Variants in NCOA7 observed in about 807,000 individuals in gnomAD.
NCOA7 encodes 140 kDa estrogen receptor-associated protein.
A neutral mutation model predicts 104.3 loss-of-function variants in NCOA7; 45 were observed. The observed-to-expected ratio is 0.43, with a 90% CI of 0.34 to 0.55. The LOEUF is 0.55. NCOA7 is among the 20% of genes least tolerant of loss of function. NCOA7 has a pLI of 0.02. For missense variants in NCOA7, 1,041 were observed against 1,119.7 expected (o/e 0.93, Z 1.00); for synonymous variants, 398 against 402.3 (o/e 0.99, Z 0.13).
intron 2 of NCOA7, among the ~76,000 whole-genome samples, chr6:125,816,434 G>A (rs1562818557): frequency 6.6e-6 from 1 of 152,158 alleles, no homozygotes; most frequent in Non-Finnish European, 1.5e-5. Flanking sequence ...ATAAGAGTCA[G>A]TATTAAACAT....
intron 10 of NCOA7, among the ~76,000 whole-genome samples, chr6:125,912,543 G>A (rs969525390): frequency 6.6e-6 from 1 of 152,162 alleles, no homozygotes; most frequent in Non-Finnish European, 1.5e-5. Flanking sequence ...CTGAGCTCTG[G>A]GGGCCCACGG....
intron 1 of NCOA7, among the ~76,000 whole-genome samples, chr6:125,793,279 C>A (rs752327778): frequency 4.6e-5 from 7 of 152,182 alleles, no homozygotes; most frequent in Non-Finnish European, 8.8e-5. Context: ...CCTGGCTCTT[C>A]CTTGCACACT....
intron 2 of NCOA7, among the ~76,000 whole-genome samples, chr6:125,841,918 C>G (rs1780209761): frequency 6.6e-6 from 1 of 152,122 alleles, no homozygotes; most frequent in Non-Finnish European, 1.5e-5. Context: ...CTGAAAGTAC[C>G]TGTAATGACA....
chr6:125,875,348 G>A (rs1378684740), intron 4 of NCOA7: 1 of 167,730 alleles, frequency 6.0e-6, no homozygotes, highest in Non-Finnish European at 1.3e-5. Flanking sequence ...TTGGGTCACG[G>A]GTATTCTAGT....
At chr6:125,880,244 G>A (rs1400504336) in intron 5 of NCOA7, among the ~76,000 whole-genome samples, 1 of 152,008 alleles carries the variant, frequency 6.6e-6, no homozygotes, top group Non-Finnish European at 1.5e-5. Flanking sequence ...ATCATATAAG[G>A]ACCTACTGCT....
chr6:125,794,098 C>G (rs1268089), intron 1 of NCOA7, among the ~76,000 whole-genome samples: 9,150 of 152,198 alleles, frequency 0.06, 824 homozygotes, highest in African/African-American at 0.2. Flanking sequence ...TAACACCCCC[C>G]CATATGCCCA....
chr6:125,864,704 C>T lies in NCOA7; in HGVS notation c.271+9464C>T, dbSNP rs142770058. 2.2e-5 allele frequency among the ~76,000 whole-genome samples: 3 copies of T among 136,964 alleles called. 1 individual carries two copies. Among genetic ancestry groups the T allele is most frequent in the Admixed American group, 6.9e-5 (1 of 14,458 alleles). 89.9% of individuals were successfully genotyped at this position (136,964 alleles called of 152,430 possible). On this transcript the variant is annotated intron_variant, in intron 3 of 15. Transcript: ENST00000392477. ...GAGCCAGGATGAGGGAAAAATACGC[C>T]GAGTTTGCCAGTGTCTTGATCTCGG...
intron 1 of NCOA7, among the ~76,000 whole-genome samples, chr6:125,808,190 C>T (rs1562797246): frequency 6.6e-6 from 1 of 151,768 alleles, no homozygotes; most frequent in Non-Finnish European, 1.5e-5. Flanking sequence ...GTGGCTTGCA[C>T]ATCCTCATTC....
intron 2 of NCOA7, among the ~76,000 whole-genome samples, chr6:125,841,903 T>C (rs1024552127): frequency 6.6e-6 from 1 of 152,210 alleles, no homozygotes; most frequent in African/African-American, 2.4e-5. Flanking sequence ...ATTAGATTAT[T>C]CTTTCTGAAA....
At position 125,931,063 on chromosome 6, in the gene NCOA7, T is replaced by C. The variant is rs1395284940; in HGVS notation, c.*2292T>C. 6.5e-6 allele frequency: 1 copy of C among 152,692 alleles called. No homozygotes were observed. Among genetic ancestry groups the C allele is most frequent in the Admixed American group, 6.5e-5 (1 of 15,290 alleles). The allele number at this position is 152,692 out of a possible 1,614,324, so 9.5% of individuals were successfully genotyped here. A position where few individuals can be genotyped will look rare whatever the true frequency, so the allele number is the denominator to read the frequency against. The stretch of plus-strand genomic sequence containing the variant: ...ATTTATGGATATTGACTATATGTAA[T>C]GCAGTGCTATCCCAATATTTTCAAT... On this transcript the variant is annotated 3_prime_UTR_variant, in exon 16 of 16. Transcript: ENST00000392477.
chr6:125,862,374 G>A lies in NCOA7; in HGVS notation c.271+7134G>A, dbSNP rs1032606126. ...CAAAGGAGCAAAGAAAAAAGAAACAGACTTCTTCATAGTGGTGAATGCCAG... is the reference window on the plus strand; with the variant it reads ...CAAAGGAGCAAAGAAAAAAGAAACAAACTTCTTCATAGTGGTGAATGCCAG... On this transcript the variant is annotated intron_variant, in intron 3 of 15. Coordinates refer to ENST00000392477, the MANE Select transcript of NCOA7 (RefSeq NM_181782.5). Among the ~76,000 whole-genome samples, 3 of 138,184 alleles carry A rather than the reference G, an allele frequency of 2.2e-5. 1 individual carries two copies. The highest frequency in any genetic ancestry group is 9.0e-5 in the African/African-American group (3 of 33,170). 90.7% of individuals were successfully genotyped at this position (138,184 alleles called of 152,430 possible).
chr6:125,794,768 C>A (rs536266248), intron 1 of NCOA7, among the ~76,000 whole-genome samples: 1 of 152,286 alleles, frequency 6.6e-6, no homozygotes, highest in South Asian at 2.1e-4. Flanking sequence ...TATATTCACT[C>A]ATTACTAATT....
chr6:125,799,614 G>A (rs1775697460), intron 1 of NCOA7, among the ~76,000 whole-genome samples: 1 of 151,922 alleles, frequency 6.6e-6, no homozygotes, highest in African/African-American at 2.4e-5. Flanking sequence ...TAATTTTTTT[G>A]TATTTTTAGT....
chr6:125,795,540 C>T (rs1264674078), intron 1 of NCOA7, among the ~76,000 whole-genome samples: 1 of 152,154 alleles, frequency 6.6e-6, no homozygotes, highest in Non-Finnish European at 1.5e-5. Context: ...CATTTTCTCT[C>T]CTAACCTGTC....
intron 2 of NCOA7, among the ~76,000 whole-genome samples, chr6:125,830,255 G>C (rs1354202640): frequency 6.6e-6 from 1 of 152,146 alleles, no homozygotes; most frequent in Non-Finnish European, 1.5e-5. Context: ...ACAACATCAT[G>C]AACCTTTTCC....
At chr6:125,823,173 C>G (rs1194659100) in intron 2 of NCOA7, among the ~76,000 whole-genome samples, 2 of 152,052 alleles carry the variant, frequency 1.3e-5, no homozygotes, top group Non-Finnish European at 2.9e-5. Context: ...TACAGTCAAT[C>G]CCCCCGCAAA....
chr6:125,868,385 G>T (rs1292851644), intron 3 of NCOA7, among the ~76,000 whole-genome samples: 1 of 152,178 alleles, frequency 6.6e-6, no homozygotes, highest in African/African-American at 2.4e-5. Context: ...CATTTGTTAA[G>T]CATGTGCTCT....
At chr6:125,830,737 A>ATATGTGTGTG (rs1453188613) in intron 2 of NCOA7, among the ~76,000 whole-genome samples, 17 of 93,048 alleles carry the variant, frequency 1.8e-4, no homozygotes, top group African/African-American at 7.1e-4. Flanking sequence ...ATATATATAT[A>ATATGTGTGTG]TGTGTGTGTG....
chr6:125,882,681 C>G, intron 7 of NCOA7, 130 bp downstream of exon 7: 1 of 1,128,138 alleles, frequency 8.9e-7, no homozygotes, highest in African/African-American at 1.6e-5. Context: ...TGACAAGCAT[C>G]CATTAGTTTT....
Sources: gnomAD v4.1 joint callset for allele counts (sites outside exome capture counted in the v4.1 genomes callset) on GRCh38, gnomAD v4.1.1 for gene constraint, MANE v1.5 for transcripts, NCBI Gene and HGNC (gene_info 2026-07-23, HGNC 2026-07-21) for gene names.